The following CMTR1 variants were observed in gnomAD, a reference collection of about 807,000 sequenced individuals.
The protein encoded by CMTR1 is cap methyltransferase 1.
A neutral mutation model predicts 107.0 loss-of-function variants in CMTR1; 39 were observed. The ratio of observed to expected loss-of-function variants is 0.36; its 90% CI spans 0.28 to 0.48. CMTR1 has a LOEUF of 0.48. Ranked by LOEUF, CMTR1 falls within the 20% of genes least tolerant of loss-of-function variation. The pLI is 0.99. For synonymous variants in CMTR1, 366 were observed against 379.5 expected (o/e 0.96, Z 0.41); for missense variants, 672 against 1,064.9 (o/e 0.63, Z 5.14).
chr6:37,454,310 T>C (rs1761246647), intron 8 of CMTR1, among the ~76,000 whole-genome samples: 1 of 152,232 alleles, frequency 6.6e-6, no homozygotes, highest in South Asian at 2.1e-4. Context: ...ACCTAACTGC[T>C]TCCTCCTTGC....
intron 13 of CMTR1, among the ~76,000 whole-genome samples, chr6:37,464,643 T>A (rs1043009212): frequency 3.3e-5 from 5 of 152,180 alleles, no homozygotes; most frequent in Admixed American, 3.3e-4. Flanking sequence ...TCATTCATAT[T>A]ATGTTAGTTG....
At chr6:37,435,534 T>C in intron 1 of CMTR1, 90 bp from the exon 2 acceptor site, 1 of 1,417,850 alleles carries the variant, frequency 7.1e-7, no homozygotes, top group Non-Finnish European at 9.5e-7. Flanking sequence ...CCAAATCTCA[T>C]CCCATTGATG....
At chr6:37,466,145 G>A (rs1272973881) in intron 13 of CMTR1, among the ~76,000 whole-genome samples, 2 of 103,440 alleles carry the variant, frequency 1.9e-5, no homozygotes, top group Non-Finnish European at 3.7e-5. Context: ...ACGGAGTCTT[G>A]CTCTGTTACC....
At chr6:37,442,189 C>T (rs1431177793) in intron 2 of CMTR1, among the ~76,000 whole-genome samples, 1 of 152,212 alleles carries the variant, frequency 6.6e-6, no homozygotes, top group East Asian at 1.9e-4. Context: ...AGAATAGGTG[C>T]TGAACCAGTA....
Position 37,481,462 on chromosome 6 carries a change from G to A in CMTR1, c.*1317G>A. On this transcript the variant is annotated 3_prime_UTR_variant, in exon 24 of 24. Coordinates refer to ENST00000373451, the MANE Select transcript of CMTR1 (RefSeq NM_015050.3). ...TTTCCACCCAATTCTGGGTATATCA[G>A]TGTGTCTTGCAGAATCTTGGATCAT... The A allele has an allele frequency of 3.5e-6, 4 of 1,145,264 alleles. No homozygotes were observed. Among genetic ancestry groups the A allele is most frequent in the East Asian group, 6.6e-5 (1 of 15,044 alleles). The allele number at this position is 1,145,264 out of a possible 1,614,324, so 70.9% of individuals were successfully genotyped here. A position where few individuals can be genotyped will look rare whatever the true frequency, so the allele number is the denominator to read the frequency against.
rs1761350030 is a variant in CMTR1 at position 37,458,909 on chromosome 6, T to G, written c.976+99T>G. The G allele has an allele frequency of 1.8e-6, 2 of 1,101,652 alleles. No homozygotes were observed. Among genetic ancestry groups the G allele is most frequent in the East Asian group, 4.9e-5 (2 of 41,032 alleles). The allele number at this position is 1,101,652 out of a possible 1,614,324, so 68.2% of individuals were successfully genotyped here. On this transcript the variant is annotated intron_variant, in intron 9 of 23. Transcript: ENST00000373451. This position sits in a 1 kb window ranked among gnomAD's most constrained non-coding sequence, Gnocchi z 4.7. Reference sequence around the variant, plus strand: ...TGTTATCCACATGCCATATTTTCTTTCCTAGGTCTCTTACCCTGGGCTTCA... The same window carrying G: ...TGTTATCCACATGCCATATTTTCTTGCCTAGGTCTCTTACCCTGGGCTTCA...
Position 37,461,981 on chromosome 6 carries a change from A to G in CMTR1, c.1204A>G (p.Ile402Val). 4 of 1,613,552 alleles carry G rather than the reference A, an allele frequency of 2.5e-6. No individual in the cohort carries two copies. The highest frequency in any genetic ancestry group is 2.5e-6 in the Non-Finnish European group (3 of 1,179,952). Residue 402 changes from isoleucine (I) to valine (V), a missense_variant, in exon 12 of 24, where the codon ATC becomes GTC. Transcript: ENST00000373451. Reference sequence around the variant, plus strand: ...TCTCTCTAATCTAGGAGGCCACTTCATCTGTAAAACCTTTGACCTGTTCAC... The same window carrying G: ...TCTCTCTAATCTAGGAGGCCACTTCGTCTGTAAAACCTTTGACCTGTTCAC... Reference protein sequence around the residue: ...LSIVRTGGHFICKTFDLFTPF... With the variant: ...LSIVRTGGHFVCKTFDLFTPF...
At chr6:37,459,451 G>T (rs973304774) in intron 9 of CMTR1, 115 bp from the exon 10 acceptor site, 5 of 798,230 alleles carry the variant, frequency 6.3e-6, no homozygotes, top group African/African-American at 5.1e-5. Context: ...CTTGCAGGAT[G>T]GGCCCTAGTT....
intron 13 of CMTR1, among the ~76,000 whole-genome samples, chr6:37,464,188 G>A (rs950502942): frequency 2.0e-5 from 3 of 152,062 alleles, no homozygotes; most frequent in Admixed American, 6.5e-5. Flanking sequence ...AAATGTGGCC[G>A]GGCGTAGTGG....
At position 37,461,651 on chromosome 6, in the gene CMTR1, A is replaced by G. The variant is rs748577876; in HGVS notation, c.1192+6A>G. ...GCTGTCCATTGTCCGGACAGGTGAC[A>G]CTTCCTCAGCTGTCTCCTCACCCCA... On this transcript the variant is annotated splice_donor_region_variant and intron_variant, in intron 11 of 23. Transcript: ENST00000373451. 6 of 1,576,390 alleles carry G rather than the reference A, an allele frequency of 3.8e-6. No individual in the cohort carries two copies. Among genetic ancestry groups the G allele is most frequent in the African/African-American group, 2.7e-5 (2 of 73,694 alleles).
intron 2 of CMTR1, among the ~76,000 whole-genome samples, chr6:37,439,752 C>T (rs1211986985): frequency 2.0e-5 from 3 of 152,174 alleles, no homozygotes; most frequent in Non-Finnish European, 4.4e-5. Flanking sequence ...CCACCTTGGC[C>T]ATTAGCGGTT....
chr6:37,435,213 G>C (rs1771501107), intron 1 of CMTR1, among the ~76,000 whole-genome samples: 1 of 152,120 alleles, frequency 6.6e-6, no homozygotes, highest in Non-Finnish European at 1.5e-5. Flanking sequence ...CCTTCACCTT[G>C]GGAATATTGG....
intron 8 of CMTR1, among the ~76,000 whole-genome samples, chr6:37,453,663 G>C (rs922005480): frequency 7.2e-6 from 1 of 138,572 alleles, no homozygotes; most frequent in Non-Finnish European, 1.6e-5. Context: ...TTTGAGTGTT[G>C]GATGAAATGT....
At chr6:37,437,714 T>A (rs528234698) in intron 2 of CMTR1, among the ~76,000 whole-genome samples, 1 of 152,026 alleles carries the variant, frequency 6.6e-6, no homozygotes, top group Non-Finnish European at 1.5e-5. Flanking sequence ...GTTCTGGAGA[T>A]TCTTGAGGAA....
Position 37,475,362 on chromosome 6 carries a change from T to C in CMTR1, c.1986T>C (p.Asp662=), listed in dbSNP as rs371631108. The stretch of plus-strand genomic sequence containing the variant: ...AGATCAGTGCCATCCACATCCTCGA[T>C]GTCCTTGTGCTGAATGGCACCGACG... The part of the protein sequence containing the change: ...QRKISAIHIL[D]VLVLNGTDVR... The change falls in exon 19 of 24, where the codon GAT becomes GAC. Residue 662 remains aspartate, a synonymous_variant. Transcript: ENST00000373451. 1 of 1,610,424 alleles carries C rather than the reference T, an allele frequency of 6.2e-7. No individual in the cohort carries two copies. The highest frequency in any genetic ancestry group is 8.5e-7 in the Non-Finnish European group (1 of 1,178,044).
Position 37,458,874 on chromosome 6 carries a change from C to A in CMTR1, c.976+64C>A. The stretch of plus-strand genomic sequence containing the variant: ...CAGCCCCTCTATGGGGACTTCAGGT[C>A]AGAAGCAGTTGTTATCCACATGCCA... On this transcript the variant is annotated intron_variant, in intron 9 of 23. Coordinates refer to ENST00000373451, the MANE Select transcript of CMTR1 (RefSeq NM_015050.3). The surrounding 1 kb of genome is among the most constrained non-coding windows in gnomAD (Gnocchi z 4.7). The A allele has an allele frequency of 1.4e-6, 2 of 1,467,068 alleles. No homozygotes were observed. Among genetic ancestry groups the A allele is most frequent in the African/African-American group, 1.4e-5 (1 of 71,802 alleles). 90.9% of individuals were successfully genotyped at this position (1,467,068 alleles called of 1,614,324 possible).
chr6:37,439,248 G>A (rs916862238), intron 2 of CMTR1, among the ~76,000 whole-genome samples: 2 of 152,266 alleles, frequency 1.3e-5, no homozygotes, highest in African/African-American at 4.8e-5. Context: ...GTATTTTCAA[G>A]TGTAAATACA....
At chr6:37,461,806 TCAAAGTCCC>T (rs1184812397) in intron 11 of CMTR1, 155 bp from the exon 12 acceptor site, 1 of 894,342 alleles carries the variant, frequency 1.1e-6, no homozygotes, top group Non-Finnish European at 1.7e-6. Context: ...TGTGGAATCC[TCAAAGTCCC>T]CTCCAAAGAT....
At chr6:37,430,811 A>G (rs1280097916), upstream of CMTR1, among the ~76,000 whole-genome samples, 9 of 152,074 alleles carry the variant, frequency 5.9e-5, no homozygotes, top group South Asian at 2.1e-4. Flanking sequence ...TCAGGAGATC[A>G]AGACCATCCT....
Sources: gnomAD v4.1 joint callset for allele counts (sites outside exome capture counted in the v4.1 genomes callset) on GRCh38, gnomAD v4.1.1 for gene constraint, Gnocchi (gnomAD v3.1) non-coding constraint, MANE v1.5 for transcripts, NCBI Gene and HGNC (gene_info 2026-07-23, HGNC 2026-07-21) for gene names.